Variants in ADAT3 observed in about 807,000 individuals in gnomAD.
ADAT3 encodes the protein tRNA-specific adenosine-34 deaminase regulatory subunit ADAT3.
In ADAT3, 2 loss-of-function variants were observed where a neutral mutation model predicts 3.5. That is an observed-to-expected ratio of 0.57 (90% CI 0.23 to 1.79). The LOEUF is 1.79. Ranked by LOEUF, ADAT3 falls within the 40% of genes most tolerant of loss-of-function variation. ADAT3 has a pLI of 0.18. For synonymous variants in ADAT3, 358 were observed against 270.3 expected (o/e 1.32, Z -3.18); for missense variants, 735 against 571.4 (o/e 1.29, Z -2.92).
In ADAT3 at chr19:1,913,429, A is replaced by G. The variant is rs1032229489; in HGVS notation, c.*278A>G. Reference sequence around the variant, plus strand: ...GCCGGGAAACTGCTCTGATGGGAAAATAAACAGCCCAAAACCAAGTGGGTG... The same window carrying G: ...GCCGGGAAACTGCTCTGATGGGAAAGTAAACAGCCCAAAACCAAGTGGGTG... On this transcript the variant is annotated 3_prime_UTR_variant, in exon 2 of 2. Transcript: ENST00000329478. The G allele has an allele frequency of 3.6e-6, 2 of 560,910 alleles. No individual in the cohort carries two copies. Among genetic ancestry groups the G allele is most frequent in the Non-Finnish European group, 6.4e-6 (2 of 310,110 alleles). The allele number at this position is 560,910 out of a possible 1,614,324, so 34.7% of individuals were successfully genotyped here.
chr19:1,907,619 C>T (rs769241720), intron 1 of ADAT3, among the ~76,000 whole-genome samples: 6 of 152,146 alleles, frequency 3.9e-5, no homozygotes, highest in Admixed American at 1.3e-4. Flanking sequence ...GGCCTCCCAG[C>T]CTCCTGTTCA....
rs1161745978 is a variant in ADAT3, at chr19:1,913,018, A to G, written c.971A>G (p.Tyr324Cys). The G allele has an allele frequency of 2.5e-6, 4 of 1,606,296 alleles. No individual in the cohort carries two copies. Among genetic ancestry groups the G allele is most frequent in the Non-Finnish European group, 3.4e-6 (4 of 1,179,272 alleles). Residue 324 changes from tyrosine to cysteine, a missense_variant, in exon 2 of 2, where the codon TAC becomes TGC. Tyr to Cys is a radical substitution (Grantham distance 194). Coordinates refer to ENST00000329478, the MANE Select transcript of ADAT3 (RefSeq NM_138422.4). Reference protein sequence around the residue: ...LVHARILRVFYGAPSPDGALG... With the variant: ...LVHARILRVFCGAPSPDGALG... ...CACGCACGCATCCTGCGCGTCTTCT[A>G]CGGTGCGCCCTCGCCCGACGGCGCC...
Position 1,912,024 on chromosome 19 carries a change from C to A in ADAT3, c.-24C>A. 2 of 1,417,352 alleles carry A rather than the reference C, an allele frequency of 1.4e-6. No individual in the cohort carries two copies. Among genetic ancestry groups the A allele is most frequent in the Non-Finnish European group, 9.2e-7 (1 of 1,092,374 alleles). The allele number at this position is 1,417,352 out of a possible 1,614,324, so 87.8% of individuals were successfully genotyped here. On this transcript the variant is annotated 5_prime_UTR_variant, in exon 2 of 2. Transcript: ENST00000329478. ...CTCCCGGGACGGACTCCCCGGCTCT[C>A]CCCCAGCCGCCCGCAGCCGCCGGAT...
rs763601329 is a variant in ADAT3 at position 1,913,097 on chromosome 19, G to A, written c.1050G>A (p.Gln350=). 6.3e-7 allele frequency: 1 copy of A among 1,597,448 alleles called. No individual in the cohort carries two copies. Among genetic ancestry groups the A allele is most frequent in the Non-Finnish European group, 8.5e-7 (1 of 1,176,584 alleles). The change falls in exon 2 of 2, where the codon CAG becomes CAA. Residue 350 remains glutamine (Q), a synonymous_variant. Coordinates refer to ENST00000329478, the MANE Select transcript of ADAT3 (RefSeq NM_138422.4). ...GGCCCGACCTCAACCACCGCTTCCA[G>A]GTGTTCCGCGGGGTGCTGGAGGAGC... is the stretch of plus-strand genomic sequence containing the variant. ...HARPDLNHRF[Q]VFRGVLEEQC...
In ADAT3 at chr19:1,911,881, G is replaced by A; in HGVS notation, c.-158-9G>A. On this transcript the variant is annotated splice_polypyrimidine_tract_variant and intron_variant, in intron 1 of 1. Transcript: ENST00000329478. ...AAACCAATGGCTGTTTAAACTCTGTGCACACCAGGGGTTAGCAGGACATGA... is the reference window on the plus strand; with the variant it reads ...AAACCAATGGCTGTTTAAACTCTGTACACACCAGGGGTTAGCAGGACATGA... 1.3e-6 allele frequency: 1 copy of A among 768,182 alleles called. No individual in the cohort carries two copies. Among genetic ancestry groups the A allele is most frequent in the Non-Finnish European group, 1.9e-6 (1 of 537,710 alleles). The allele number at this position is 768,182 out of a possible 1,614,324, so 47.6% of individuals were successfully genotyped here.
Position 1,912,321 on chromosome 19 carries a change from A to G in ADAT3, c.274A>G (p.Lys92Glu). ...CCCGCTCCCCGCCCAGCCTCACCTC[A>G]AGCGGGTGCGGCCCAGCCGCGATGC... ...LHPLPAQPHL[K>E]RVRPSRDAGS... Residue 92 changes from lysine to glutamate, a missense_variant, in exon 2 of 2, where the codon AAG becomes GAG. Coordinates refer to ENST00000329478, the MANE Select transcript of ADAT3 (RefSeq NM_138422.4). 6.5e-7 allele frequency: 1 copy of G among 1,545,238 alleles called. No homozygotes were observed. The highest frequency in any genetic ancestry group is 1.2e-5 in the South Asian group (1 of 82,822).
intron 1 of ADAT3, chr19:1,906,418 G>C (rs2013117192): frequency 6.6e-6 from 1 of 152,012 alleles, no homozygotes; most frequent in South Asian, 2.1e-4. Flanking sequence ...ACATGTCTGT[G>C]GTCCCAGCTA....
chr19:1,909,002 G>T (rs1366309407), intron 1 of ADAT3, among the ~76,000 whole-genome samples: 1 of 151,516 alleles, frequency 6.6e-6, no homozygotes, highest in African/African-American at 2.5e-5. Context: ...CTACTAGGGG[G>T]GCTGAGGCAG....
intron 1 of ADAT3, chr19:1,906,850 CAAA>C (rs919454906): frequency 1.4e-4 from 9 of 66,396 alleles, no homozygotes; most frequent in East Asian, 5.5e-4. Flanking sequence ...GACTCCGTCT[CAAA>C]AAAAAAAAAA....
In ADAT3 at chr19:1,912,449, CGGCCTG is replaced by C; in HGVS notation, c.405_410del (p.Leu136_Gly137del). On this transcript the variant is annotated inframe_deletion, in exon 2 of 2. Coordinates refer to ENST00000329478, the MANE Select transcript of ADAT3 (RefSeq NM_138422.4). ...TGCCACGGCCGGCTGTGGACCCCCG[CGGCCTG>C]GGGCAACCCTTCCTGGTGCCCGTGC... 1 of 1,506,766 alleles carries C rather than the reference CGGCCTG, an allele frequency of 6.6e-7. No individual in the cohort carries two copies. Among genetic ancestry groups the C allele is most frequent in the Non-Finnish European group, 8.8e-7 (1 of 1,134,908 alleles). The allele number at this position is 1,506,766 out of a possible 1,614,324, so 93.3% of individuals were successfully genotyped here.
chr19:1,911,914 T>C lies in ADAT3; in HGVS notation c.-134T>C, dbSNP rs1046112989. 3 of 1,170,082 alleles carry C rather than the reference T, an allele frequency of 2.6e-6. No homozygotes were observed. The highest frequency in any genetic ancestry group is 3.4e-6 in the Non-Finnish European group (3 of 882,772). The allele number at this position is 1,170,082 out of a possible 1,614,324, so 72.5% of individuals were successfully genotyped here. The stretch of plus-strand genomic sequence containing the variant: ...GGGGTTAGCAGGACATGAGGGAGTG[T>C]AGCTCTGATGCGGTGACCTGGGCCG... On this transcript the variant is annotated 5_prime_UTR_variant, in exon 2 of 2. Transcript: ENST00000329478.
At position 1,912,902 on chromosome 19, in the gene ADAT3, C is replaced by T. The variant is rs779445043; in HGVS notation, c.855C>T (p.Asp285=). 5 of 1,608,588 alleles carry T rather than the reference C, an allele frequency of 3.1e-6. No homozygotes were observed. The highest frequency in any genetic ancestry group is 4.2e-6 in the Non-Finnish European group (5 of 1,179,234). Residue 285 remains aspartate, a synonymous_variant, in exon 2 of 2, where the codon GAC becomes GAT. Transcript: ENST00000329478. ...GCGCAGGCGCCGTGCGTAAACTGGA[C>T]GCAGACGAGGACGGCCTCCCCTACC... ...AVRAGAVRKL[D]ADEDGLPYLC...
chr19:1,907,504 G>T (rs1018241983), intron 1 of ADAT3, among the ~76,000 whole-genome samples: 1 of 152,166 alleles, frequency 6.6e-6, no homozygotes, highest in Non-Finnish European at 1.5e-5. Context: ...GACCGCGCTG[G>T]GCTGAACGCC....
intron 1 of ADAT3, among the ~76,000 whole-genome samples, chr19:1,910,003 C>T (rs1457305680): frequency 6.6e-6 from 1 of 152,226 alleles, no homozygotes; most frequent in African/African-American, 2.4e-5. Context: ...GTGTCAGTGC[C>T]AGGCTGTGTG....
intron 1 of ADAT3, among the ~76,000 whole-genome samples, chr19:1,907,454 G>A (rs1047700627): frequency 6.6e-6 from 1 of 152,062 alleles, no homozygotes; most frequent in Non-Finnish European, 1.5e-5. Context: ...GAGGCTTGGA[G>A]GAGTCAGGAC....
intron 1 of ADAT3, 22 bp from the exon 2 acceptor site, chr19:1,911,868 G>T (rs1342290344): frequency 6.2e-6 from 4 of 643,422 alleles, no homozygotes; most frequent in Non-Finnish European, 9.3e-6. Context: ...ACCAATGGCT[G>T]TTTAAACTCT....
chr19:1,913,158 CCCT>C lies in ADAT3; in HGVS notation c.*11_*13del. ...GCTGGACCCCGACACGTAGGCGCCG[CCCT>C]CCTGCCTCCGGACCCTTCCCGCTCC... On this transcript the variant is annotated 3_prime_UTR_variant, in exon 2 of 2. Transcript: ENST00000329478. 1 of 1,530,534 alleles carries C rather than the reference CCCT, an allele frequency of 6.5e-7. No individual in the cohort carries two copies. The highest frequency in any genetic ancestry group is 8.8e-7 in the Non-Finnish European group (1 of 1,141,070). The allele number at this position is 1,530,534 out of a possible 1,614,324, so 94.8% of individuals were successfully genotyped here. A position where few individuals can be genotyped will look rare whatever the true frequency, so the allele number is the denominator to read the frequency against.
intron 1 of ADAT3, chr19:1,905,845 C>A (rs2145417612): frequency 6.6e-6 from 1 of 152,514 alleles, no homozygotes; most frequent in East Asian, 1.9e-4. Context: ...CGTCCTTCCT[C>A]CCCAGCTCTG....
chr19:1,912,512 C>G lies in ADAT3; in HGVS notation c.465C>G (p.Phe155Leu), dbSNP rs866874255. 6.7e-7 allele frequency: 1 copy of G among 1,494,134 alleles called. No homozygotes were observed. Among genetic ancestry groups the G allele is most frequent in the African/African-American group, 1.5e-5 (1 of 68,544 alleles). The allele number at this position is 1,494,134 out of a possible 1,614,324, so 92.6% of individuals were successfully genotyped here. The change falls in exon 2 of 2, where the codon TTC (phenylalanine) becomes TTG (leucine). Residue 155 changes from phenylalanine to leucine, a missense_variant. Phe to Leu is a conservative substitution (Grantham distance 22, BLOSUM62 0). Coordinates refer to ENST00000329478, the MANE Select transcript of ADAT3 (RefSeq NM_138422.4). ...PARPPLTRGQ[F>L]EEARAHWPTS... ...GGCCGCCTCTGACCAGGGGCCAGTT[C>G]GAGGAGGCCCGGGCCCACTGGCCCA...
Sources: allele counts gnomAD v4.1 joint callset (sites outside exome capture counted in the v4.1 genomes callset), GRCh38; gene constraint gnomAD v4.1.1; transcripts MANE v1.5; gene names NCBI Gene and HGNC (gene_info 2026-07-23, HGNC 2026-07-21).